The following ACTA2 variants were observed in gnomAD, a reference collection of about 807,000 sequenced individuals.
The protein encoded by ACTA2 is actin, aortic smooth muscle.
In ACTA2, 12 loss-of-function variants were observed where a neutral mutation model predicts 39.5. That is an observed-to-expected ratio of 0.30 (90% CI 0.19 to 0.49). The LOEUF is 0.49. Ranked by LOEUF, ACTA2 falls within the 20% of genes least tolerant of loss-of-function variation. The pLI, the probability that ACTA2 is intolerant of heterozygous loss-of-function variation, is 0.99. For missense variants in ACTA2, 236 were observed against 498.8 expected (o/e 0.47, Z 5.02); for synonymous variants, 158 against 180.6 (o/e 0.88, Z 1.00).
chr10:88,964,364 C>CA (rs1417351200), intron 1 of ACTA2, among the ~76,000 whole-genome samples: 2 of 152,100 alleles, frequency 1.3e-5, no homozygotes, highest in African/African-American at 2.4e-5. Flanking sequence ...GCATCATCAA[C>CA]AAAGAACAAC....
intron 8 of ACTA2, chr10:88,935,605 C>G: frequency 2.2e-6 from 1 of 451,180 alleles, no homozygotes; most frequent in Non-Finnish European, 4.1e-6. Flanking sequence ...ACCTGTAACT[C>G]TTCGACCACA....
chr10:88,960,410 A>T (rs1846206744), intron 1 of ACTA2, among the ~76,000 whole-genome samples: 1 of 152,164 alleles, frequency 6.6e-6, no homozygotes, highest in South Asian at 2.1e-4. Flanking sequence ...TAGAAACCAG[A>T]TCACTGCTCC....
intron 1 of ACTA2, among the ~76,000 whole-genome samples, chr10:88,983,216 C>A (rs1284701795): frequency 1.3e-5 from 2 of 152,100 alleles, no homozygotes; most frequent in Non-Finnish European, 2.9e-5. Flanking sequence ...GAGGAGTGAA[C>A]ATAAACAGCA....
intron 1 of ACTA2, among the ~76,000 whole-genome samples, chr10:88,979,058 G>C (rs1426510476): frequency 6.6e-6 from 1 of 152,026 alleles, no homozygotes; most frequent in African/African-American, 2.4e-5. Context: ...AAAACTGAAA[G>C]CTCAGAAAAC....
At chr10:88,963,099 A>G (rs954137014) in intron 1 of ACTA2, among the ~76,000 whole-genome samples, 18 of 151,334 alleles carry the variant, frequency 1.2e-4, no homozygotes, top group South Asian at 4.2e-4. Context: ...CACCCCCATG[A>G]TTCAATTACC....
At chr10:88,945,516 A>G (rs1845930081) in intron 3 of ACTA2, among the ~76,000 whole-genome samples, 1 of 151,826 alleles carries the variant, frequency 6.6e-6, no homozygotes, top group Non-Finnish European at 1.5e-5. Context: ...CTTTCTCATT[A>G]TTTCTTCTGT....
intron 1 of ACTA2, chr10:88,989,428 T>C (rs1389436986): frequency 5.6e-6 from 3 of 533,628 alleles, no homozygotes; most frequent in South Asian, 2.8e-5. Flanking sequence ...AGAATGCCCA[T>C]ATACCATCCT....
In ACTA2 at chr10:88,970,874, AGTGT is replaced by A. The variant is rs72431070; in HGVS notation, c.-24+20061_-24+20064del. Among the ~76,000 whole-genome samples, 1,454 of 151,352 alleles carry A rather than the reference AGTGT, an allele frequency of 9.6e-3. 39 individuals carry two copies. In the East Asian group the frequency reaches 0.12, roughly 13 times the overall value. ...CCTAGAACTTAAAGTATAATAAAAA[AGTGT>A]GTGTGTGTGTGTGTGTGTGTATATA... On this transcript the variant is annotated intron_variant, in intron 1 of 4. Transcript: ENST00000415557.
intron 1 of ACTA2, among the ~76,000 whole-genome samples, chr10:88,986,082 AATT>A (rs1306373208): frequency 6.6e-6 from 1 of 152,190 alleles, no homozygotes; most frequent in Non-Finnish European, 1.5e-5. Flanking sequence ...CTTAAAAATA[AATT>A]ATTAGTTAAA....
chr10:88,972,943 G>T (rs964502191), intron 1 of ACTA2, among the ~76,000 whole-genome samples: 7 of 152,124 alleles, frequency 4.6e-5, no homozygotes, highest in African/African-American at 1.7e-4. Flanking sequence ...GATTGTGTTT[G>T]TGTATGTGTA....
At chr10:88,942,281 G>T (rs565050158) in intron 4 of ACTA2, among the ~76,000 whole-genome samples, 40 of 152,302 alleles carry the variant, frequency 2.6e-4, no homozygotes, top group African/African-American at 9.4e-4. Context: ...CCTAGGGCTT[G>T]TTAACTATGT....
Position 88,984,275 on chromosome 10 carries a change from G to A in ACTA2, c.-24+6664C>T, listed in dbSNP as rs1326873708. Among the ~76,000 whole-genome samples the A allele has an allele frequency of 3.9e-5, 6 of 152,180 alleles. No individual in the cohort carries two copies. The East Asian group carries it at 7.7e-4, about 20-fold the overall frequency. On this transcript the variant is annotated intron_variant, in intron 1 of 4. Transcript: ENST00000415557. Reference sequence around the variant, plus strand: ...TGCTGGAAGGAGTCAAGCTAAGGCTGGTGTAGTCTCCTAGGGCTGTTGTAG... The same window carrying A: ...TGCTGGAAGGAGTCAAGCTAAGGCTAGTGTAGTCTCCTAGGGCTGTTGTAG...
chr10:88,953,191 C>A (rs553656273), upstream of ACTA2, among the ~76,000 whole-genome samples: 15 of 152,332 alleles, frequency 9.8e-5, no homozygotes, highest in African/African-American at 3.1e-4. Flanking sequence ...CTGCCTAGCA[C>A]GGACTTTTAA....
rs72809355 is a variant in ACTA2, at chr10:88,984,116, G to A, written c.-24+6823C>T. ...AGAGCTATTCTAGTTCTGTTTATAA[G>A]TAGTGTTCTTTGTATAGTGGATGTT... On this transcript the variant is annotated intron_variant, in intron 1 of 4. Coordinates refer to the ACTA2 transcript ENST00000415557. Among the ~76,000 whole-genome samples, 518 of 152,326 alleles carry A rather than the reference G, an allele frequency of 3.4e-3. 2 individuals carry two copies. Among genetic ancestry groups the A allele is most frequent in the Admixed American group, 7.6e-3 (116 of 15,300 alleles).
Position 88,979,931 on chromosome 10 carries a change from T to C in ACTA2, c.-24+11008A>G, listed in dbSNP as rs138073830. 1.6e-4 allele frequency among the ~76,000 whole-genome samples: 24 copies of C among 152,280 alleles called. No individual in the cohort carries two copies. In the East Asian group the frequency reaches 3.7e-3, roughly 23 times the overall value. On this transcript the variant is annotated intron_variant, in intron 1 of 4. Coordinates refer to the ACTA2 transcript ENST00000415557. ...TGGCAAAATGGAATAATAGAAGATA[T>C]AGTTCTTACGTTCAAAGAGCTTCCA...
At chr10:88,936,357 T>C (rs1014807162) in intron 8 of ACTA2, among the ~76,000 whole-genome samples, 3 of 152,186 alleles carry the variant, frequency 2.0e-5, no homozygotes, top group South Asian at 4.1e-4. Flanking sequence ...AGAAAAGTTG[T>C]AAAGAATTTA....
At chr10:88,946,965 C>T in intron 3 of ACTA2, 2 of 231,554 alleles carry the variant, frequency 8.6e-6, no homozygotes, top group South Asian at 1.1e-4. Context: ...TTGTTCAATT[C>T]CCACCTATGA....
intron 4 of ACTA2, 184 bp downstream of exon 4, chr10:88,943,613 C>G (rs1234604013): frequency 2.9e-6 from 2 of 689,174 alleles, no homozygotes; most frequent in African/African-American, 3.5e-5. Flanking sequence ...GGGCTGGTCC[C>G]TGCAGGAAGG....
intron 3 of ACTA2, among the ~76,000 whole-genome samples, chr10:88,946,215 C>A (rs1327622693): frequency 6.6e-6 from 1 of 151,806 alleles, no homozygotes; most frequent in Non-Finnish European, 1.5e-5. Flanking sequence ...GATGCTACCA[C>A]CTCAGCCTCC....
Sources: gnomAD v4.1 joint callset for allele counts (sites outside exome capture counted in the v4.1 genomes callset) on GRCh38, gnomAD v4.1.1 for gene constraint, MANE v1.5 for transcripts, NCBI Gene and HGNC (gene_info 2026-07-23, HGNC 2026-07-21) for gene names.